Variants in PCDH11Y observed in about 807,000 individuals in gnomAD.
PCDH11Y encodes the protein protocadherin-11 Y-linked.
For synonymous variants in PCDH11Y, 9 were observed against 83.6 expected, an observed-to-expected ratio of 0.11 and a Z score of 4.87; for missense variants, 12 against 224.8, an observed-to-expected ratio of 0.05 and a Z score of 6.05.
At chrY:5,612,108 T>C (rs2053487959) in intron 4 of PCDH11Y, among the ~76,000 whole-genome samples, 1 of 25,770 alleles carries the variant, frequency 3.9e-5, no homozygotes, top group Admixed American at 3.6e-4. Flanking sequence ...GTACCTCAGA[T>C]GGAAATGCAG....
intron 1 of PCDH11Y, among the ~76,000 whole-genome samples, chrY:5,015,383 T>C (rs1351540959): frequency 5.9e-3 from 196 of 32,970 alleles, no homozygotes; most frequent in Non-Finnish European, 0.013. Flanking sequence ...GAGTTACTGG[T>C]GGTAGATAAT....
chrY:5,159,035 A>G (rs2052872305), intron 2 of PCDH11Y, among the ~76,000 whole-genome samples: 1 of 30,231 alleles, frequency 3.3e-5, no homozygotes, highest in Non-Finnish European at 8.0e-5. Context: ...AAACCTTGTC[A>G]CACTTTTTGT....
chrY:5,620,702 C>A (rs1433576191), intron 4 of PCDH11Y, among the ~76,000 whole-genome samples: 1 of 33,370 alleles, frequency 3.0e-5, no homozygotes, highest in African/African-American at 1.2e-4. Context: ...AAAGCTTATC[C>A]ACCATGATCA....
At chrY:5,032,808 C>T in intron 3 of PCDH11Y, 1 of 247,929 alleles carries the variant, frequency 4.0e-6, no homozygotes, top group Non-Finnish European at 6.2e-6. Flanking sequence ...TATCTGAACT[C>T]CAATTTTTCA....
At chrY:5,645,309 G>A in intron 4 of PCDH11Y, among the ~76,000 whole-genome samples, 8 of 32,723 alleles carry the variant, frequency 2.4e-4, no homozygotes, top group African/African-American at 7.2e-4. Flanking sequence ...AATTCATCAC[G>A]GGAGATGTAT....
intron 2 of PCDH11Y, among the ~76,000 whole-genome samples, chrY:5,231,111 G>T: frequency 3.1e-5 from 1 of 32,451 alleles, no homozygotes; most frequent in Non-Finnish European, 7.5e-5. Flanking sequence ...TTATCTGTCT[G>T]CAAGGTCACA....
chrY:5,063,028 A>C, intron 1 of PCDH11Y, among the ~76,000 whole-genome samples: 2 of 33,006 alleles, frequency 6.1e-5, no homozygotes, highest in Non-Finnish European at 1.5e-4. Context: ...ACATATTTTT[A>C]TAAGACAAAA....
At chrY:5,675,970 A>C in intron 4 of PCDH11Y, among the ~76,000 whole-genome samples, 1 of 28,412 alleles carries the variant, frequency 3.5e-5, no homozygotes, top group Admixed American at 3.2e-4. Context: ...CCCAAAGGGG[A>C]CTTTGTGTGA....
At chrY:5,412,525 A>G in intron 2 of PCDH11Y, among the ~76,000 whole-genome samples, 3 of 33,182 alleles carry the variant, frequency 9.0e-5, no homozygotes, top group African/African-American at 2.4e-4. Context: ...TTTCAAGGCA[A>G]TGCATCCAGC....
intron 2 of PCDH11Y, among the ~76,000 whole-genome samples, chrY:5,153,966 G>GA (rs1165648161): frequency 1.5e-3 from 15 of 10,158 alleles, no homozygotes; most frequent in East Asian, 2.5e-3. Context: ...AGAGTAAGAG[G>GA]AAAAAAAAAA....
intron 3 of PCDH11Y, among the ~76,000 whole-genome samples, chrY:5,506,880 C>T (rs2053359305): frequency 6.2e-5 from 2 of 32,444 alleles, no homozygotes; most frequent in African/African-American, 2.4e-4. Flanking sequence ...TATGCTGCTA[C>T]TGAAAATTTA....
At chrY:5,142,682 A>G (rs2124642702) in intron 2 of PCDH11Y, among the ~76,000 whole-genome samples, 1 of 33,216 alleles carries the variant, frequency 3.0e-5, no homozygotes, top group African/African-American at 1.2e-4. Flanking sequence ...GTTTGTTTCT[A>G]TGAGAGATAG....
intron 2 of PCDH11Y, among the ~76,000 whole-genome samples, chrY:5,186,875 C>G: frequency 3.1e-5 from 1 of 32,271 alleles, no homozygotes; most frequent in African/African-American, 1.2e-4. Flanking sequence ...CAAGGCAAGC[C>G]CCTTCTGCCT....
intron 3 of PCDH11Y, among the ~76,000 whole-genome samples, chrY:5,045,820 C>T (rs2124625624): frequency 3.1e-5 from 1 of 32,656 alleles, no homozygotes; most frequent in South Asian, 6.9e-4. Flanking sequence ...TCTTTTTATT[C>T]TTTTTTCTCT....
At chrY:5,236,786 G>T in intron 2 of PCDH11Y, among the ~76,000 whole-genome samples, 3 of 29,590 alleles carry the variant, frequency 1.0e-4, no homozygotes, top group Non-Finnish European at 2.4e-4. Context: ...GCTGCTGAGG[G>T]GCTTATCTTA....
intron 3 of PCDH11Y, among the ~76,000 whole-genome samples, chrY:5,521,422 C>T: frequency 6.2e-5 from 2 of 32,299 alleles, no homozygotes; most frequent in Admixed American, 5.7e-4. Context: ...CCATCCACCT[C>T]GGCCTCACAA....
At chrY:5,244,754 C>T in intron 2 of PCDH11Y, among the ~76,000 whole-genome samples, 1 of 34,221 alleles carries the variant, frequency 2.9e-5, no homozygotes, top group African/African-American at 1.1e-4. Flanking sequence ...GGGAGCGCAG[C>T]CAGCATCACA....
At chrY:5,060,868 CA>C (rs1569474633) in intron 1 of PCDH11Y, among the ~76,000 whole-genome samples, 25 of 23,009 alleles carry the variant, frequency 1.1e-3, no homozygotes, top group African/African-American at 3.0e-3. Context: ...TAAAAAAATA[CA>C]AAAAAAAAAA....
At chrY:5,671,000 T>G (rs2124708300) in intron 4 of PCDH11Y, among the ~76,000 whole-genome samples, 1 of 33,231 alleles carries the variant, frequency 3.0e-5, no homozygotes, top group Non-Finnish European at 7.5e-5. Flanking sequence ...AAATATCCAA[T>G]TTTCCCAGCC....
Sources: gnomAD v4.1 joint callset for allele counts (sites outside exome capture counted in the v4.1 genomes callset) on GRCh38, gnomAD v4.1.1 for gene constraint, MANE v1.5 for transcripts, NCBI Gene and HGNC (gene_info 2026-07-23, HGNC 2026-07-21) for gene names.